SEMA5A: variants seen among roughly 807,000 people sequenced by gnomAD.
SEMA5A encodes semaphorin-5A.
A neutral mutation model predicts 135.5 loss-of-function variants in SEMA5A; 55 were observed. The ratio of observed to expected loss-of-function variants is 0.41; its 90% CI spans 0.33 to 0.51. The LOEUF (loss-of-function observed/expected upper bound fraction) is 0.51, where lower values mean the gene tolerates loss of function less well. Among genes scored for constraint, SEMA5A ranks in the 20% least tolerant of loss-of-function variants. The pLI, the probability that SEMA5A is intolerant of heterozygous loss-of-function variation, is 0.37. For synonymous variants in SEMA5A, 580 were observed against 546.5 expected (o/e 1.06, Z -0.85); for missense variants, 1,290 against 1,419.9 (o/e 0.91, Z 1.47).
At chr5:9,396,790 G>A (rs372539553) in intron 2 of SEMA5A, among the ~76,000 whole-genome samples, 3 of 152,196 alleles carry the variant, frequency 2.0e-5, no homozygotes, top group South Asian at 2.1e-4. Flanking sequence ...CCTTCCCCAC[G>A]TGGCCCTGTG....
At position 9,092,770 on chromosome 5, in the gene SEMA5A, A is replaced by C. The variant is rs201102341; in HGVS notation, c.2073+15370T>G. Among the ~76,000 whole-genome samples the C allele has an allele frequency of 3.9e-5, 6 of 152,290 alleles. No homozygotes were observed. In the East Asian group the frequency reaches 9.7e-4, roughly 25 times the overall value. On this transcript the variant is annotated intron_variant, in intron 16 of 22. Transcript: ENST00000382496. ...ATGAACCCAAGAGTAGATAAGAACA[A>C]TATAATACACAAGAATAATCACTTC...
At chr5:9,496,676 T>C (rs761553365) in intron 1 of SEMA5A, among the ~76,000 whole-genome samples, 8 of 152,198 alleles carry the variant, frequency 5.3e-5, no homozygotes, top group Non-Finnish European at 1.0e-4. Flanking sequence ...ACTTAAGGTA[T>C]AAACTCTGTC....
intron 2 of SEMA5A, among the ~76,000 whole-genome samples, chr5:9,391,245 A>G (rs981849182): frequency 3.9e-5 from 6 of 152,194 alleles, no homozygotes; most frequent in African/African-American, 1.4e-4. Flanking sequence ...GACCTCACTG[A>G]CCAGGATTTA....
intron 3 of SEMA5A, chr5:9,363,245 G>A (rs919344925): frequency 3.9e-5 from 6 of 152,114 alleles, no homozygotes; most frequent in Non-Finnish European, 7.3e-5. Flanking sequence ...ACTGCAAAGC[G>A]CTGATATAAT....
rs748898950 is a variant in SEMA5A at position 9,154,703 on chromosome 5, G to A, written c.1274-8C>T. 1.2e-6 allele frequency: 2 copies of A among 1,612,738 alleles called. No individual in the cohort carries two copies. The highest frequency in any genetic ancestry group is 1.1e-5 in the South Asian group (1 of 91,038). On this transcript the variant is annotated splice_region_variant and splice_polypyrimidine_tract_variant and intron_variant, in intron 11 of 22. Transcript: ENST00000382496. ...TCTTAATGGTTCCGTAATCTATGAAGGTCACAGGATGAAAAGGAAACAAGG... is the reference window on the plus strand; with the variant it reads ...TCTTAATGGTTCCGTAATCTATGAAAGTCACAGGATGAAAAGGAAACAAGG...
intron 5 of SEMA5A, among the ~76,000 whole-genome samples, chr5:9,258,803 C>CTTTTTT (rs748703578): frequency 0.021 from 1,012 of 48,844 alleles, 119 homozygotes; most frequent in African/African-American, 0.021. Context: ...TTCTTTCTTT[C>CTTTTTT]TTTTTTTTTT....
intron 6 of SEMA5A, among the ~76,000 whole-genome samples, chr5:9,232,625 G>C (rs956728867): frequency 6.6e-6 from 1 of 151,992 alleles, no homozygotes. Flanking sequence ...TATATTACGT[G>C]CTATGTAATG....
intron 5 of SEMA5A, among the ~76,000 whole-genome samples, chr5:9,270,011 C>G (rs777408675): frequency 1.3e-5 from 2 of 152,108 alleles, no homozygotes; most frequent in Non-Finnish European, 2.9e-5. Context: ...TCCACAATTC[C>G]CTGTTAAAAA....
chr5:9,534,538 AG>A (rs1737640482), intron 1 of SEMA5A, among the ~76,000 whole-genome samples: 1 of 152,146 alleles, frequency 6.6e-6, no homozygotes, highest in African/African-American at 2.4e-5. Context: ...GCCCACTCTG[AG>A]GGGCAAGCCA....
chr5:9,505,582 G>A (rs930676100), intron 1 of SEMA5A, among the ~76,000 whole-genome samples: 1 of 152,156 alleles, frequency 6.6e-6, no homozygotes, highest in African/African-American at 2.4e-5. Context: ...GCGCTTGCAG[G>A]AGAGTTACTT....
intron 2 of SEMA5A, among the ~76,000 whole-genome samples, chr5:9,384,507 C>T (rs1382122544): frequency 1.3e-5 from 2 of 150,272 alleles, no homozygotes; most frequent in African/African-American, 4.9e-5. Flanking sequence ...GTCAAATTGC[C>T]CCTGGTTGAG....
intron 1 of SEMA5A, among the ~76,000 whole-genome samples, chr5:9,448,645 T>G (rs1046540232): frequency 3.3e-5 from 5 of 152,252 alleles, no homozygotes; most frequent in Non-Finnish European, 1.5e-5. Context: ...AGTTTATTTA[T>G]GAAACTAAAT....
chr5:9,450,268 C>G (rs562032537), intron 1 of SEMA5A, among the ~76,000 whole-genome samples: 1 of 152,208 alleles, frequency 6.6e-6, no homozygotes, highest in East Asian at 1.9e-4. Flanking sequence ...CAATAGGGAC[C>G]AAGAAGGAAA....
intron 13 of SEMA5A, among the ~76,000 whole-genome samples, chr5:9,126,671 T>C (rs1003955992): frequency 1.3e-5 from 2 of 152,106 alleles, no homozygotes; most frequent in African/African-American, 4.8e-5. Flanking sequence ...TGAGGGTACT[T>C]TGGCAGGCCG....
chr5:9,346,006 TG>T (rs1179766959), intron 3 of SEMA5A, among the ~76,000 whole-genome samples: 7 of 152,176 alleles, frequency 4.6e-5, no homozygotes, highest in African/African-American at 1.4e-4. Context: ...CTTAAAAGCC[TG>T]ACAGACTGCA....
At chr5:9,116,051 G>C (rs1433250939) in intron 15 of SEMA5A, among the ~76,000 whole-genome samples, 1 of 152,146 alleles carries the variant, frequency 6.6e-6, no homozygotes, top group Non-Finnish European at 1.5e-5. Flanking sequence ...CAGTTTGACA[G>C]CCCACAAAGA....
intron 3 of SEMA5A, among the ~76,000 whole-genome samples, chr5:9,349,339 A>G (rs972521719): frequency 6.6e-6 from 1 of 152,214 alleles, no homozygotes; most frequent in Non-Finnish European, 1.5e-5. Flanking sequence ...ATATTTATTT[A>G]TTGAGTACCT....
At chr5:9,087,408 C>T (rs1334244071) in intron 16 of SEMA5A, among the ~76,000 whole-genome samples, 3 of 152,090 alleles carry the variant, frequency 2.0e-5, no homozygotes, top group African/African-American at 7.2e-5. Flanking sequence ...AAGACTGGGT[C>T]TTCATCTGCT....
intron 2 of SEMA5A, among the ~76,000 whole-genome samples, chr5:9,413,109 T>A (rs1757163048): frequency 6.6e-6 from 1 of 152,104 alleles, no homozygotes; most frequent in African/African-American, 2.4e-5. Context: ...GGCATTGGGC[T>A]CCTAGCAGTC....
Sources: gnomAD v4.1 joint callset for allele counts (sites outside exome capture counted in the v4.1 genomes callset) on GRCh38, gnomAD v4.1.1 for gene constraint, MANE v1.5 for transcripts, NCBI Gene and HGNC (gene_info 2026-07-23, HGNC 2026-07-21) for gene names.